PCDHGA6: variants seen among roughly 807,000 people sequenced by gnomAD.
The protein encoded by PCDHGA6 is protocadherin gamma-A6.
Under a neutral mutation model 60.6 loss-of-function variants are expected in PCDHGA6, and 41 were observed. The ratio of observed to expected loss-of-function variants is 0.68; its 90% CI spans 0.53 to 0.88. The LOEUF is 0.88. PCDHGA6 is among the 40% of genes least tolerant of loss of function. The probability of loss-of-function intolerance (pLI) is 0.00; values close to 1 mark genes in which losing one functional copy is unlikely to be tolerated. For synonymous variants in PCDHGA6, 594 were observed against 524.4 expected, an observed-to-expected ratio of 1.13 and a Z score of -1.81; for missense variants, 1,312 against 1,203.0, an observed-to-expected ratio of 1.09 and a Z score of -1.34.
rs202220616 is a variant in PCDHGA6, at chr5:141,389,200, A to G, written c.2424+12693A>G. On this transcript the variant is annotated intron_variant, in intron 1 of 3. Coordinates refer to ENST00000517434, the MANE Select transcript of PCDHGA6 (RefSeq NM_018919.3). ...TCCTCCAGTTCCAGCATCACCCTGC[A>G]CATTGGTGATGTAAATGACAACGCT... is the stretch of plus-strand genomic sequence containing the variant. 1,731 of 1,614,032 alleles carry G rather than the reference A, an allele frequency of 1.1e-3. 2 individuals carry two copies. Among genetic ancestry groups the G allele is most frequent in the Non-Finnish European group, 1.4e-3 (1,628 of 1,179,874 alleles).
chr5:141,400,221 C>G (rs377228541), intron 1 of PCDHGA6: 1 of 1,614,060 alleles, frequency 6.2e-7, no homozygotes, highest in Non-Finnish European at 8.5e-7. Flanking sequence ...TCTCAGTGCT[C>G]TTCCTCCTGG....
intron 1 of PCDHGA6, among the ~76,000 whole-genome samples, chr5:141,381,823 C>CTTTCTTTCT (rs1777506241): frequency 9.8e-6 from 1 of 101,610 alleles, no homozygotes; most frequent in African/African-American, 4.3e-5. Context: ...TTTCTTTCTT[C>CTTTCTTTCT]TTCTTTTTTT....
At chr5:141,447,370 C>A (rs2098536615) in intron 1 of PCDHGA6, among the ~76,000 whole-genome samples, 1 of 151,612 alleles carries the variant, frequency 6.6e-6, no homozygotes, top group African/African-American at 2.4e-5. Context: ...AACTCCTGAC[C>A]CTGGTGATCT....
intron 1 of PCDHGA6, chr5:141,421,633 G>C (rs1369645749): frequency 1.9e-6 from 3 of 1,613,716 alleles, no homozygotes; most frequent in Non-Finnish European, 2.5e-6. Context: ...CAGCTTCCAG[G>C]AGGACGAAGT....
At chr5:141,457,175 A>C (rs1447297536) in intron 1 of PCDHGA6, among the ~76,000 whole-genome samples, 2 of 152,192 alleles carry the variant, frequency 1.3e-5, no homozygotes, top group Non-Finnish European at 2.9e-5. Flanking sequence ...ACCCTATTGC[A>C]AATAGTAGAG....
rs372096658 is a variant in PCDHGA6, at chr5:141,405,073, C to T, written c.2424+28566C>T. On this transcript the variant is annotated intron_variant, in intron 1 of 3. Coordinates refer to ENST00000517434, the MANE Select transcript of PCDHGA6 (RefSeq NM_018919.3). The stretch of plus-strand genomic sequence containing the variant: ...TCGTCTCCTGTGTCTTCCTCACCTT[C>T]GTTATCACGCTGCTGGCCCTCAGGC... The T allele has an allele frequency of 1.1e-5, 17 of 1,613,880 alleles. No individual in the cohort carries two copies. In the East Asian group the frequency reaches 1.3e-4, roughly 13 times the overall value.
intron 1 of PCDHGA6, among the ~76,000 whole-genome samples, chr5:141,469,096 G>A (rs1191827174): frequency 6.6e-6 from 1 of 151,944 alleles, no homozygotes; most frequent in Non-Finnish European, 1.5e-5. Flanking sequence ...AGGCAACAAA[G>A]CAAGAACCTG....
Position 141,485,369 on chromosome 5 carries a change from G to T in PCDHGA6, c.2425-9438G>T. On this transcript the variant is annotated intron_variant, in intron 1 of 3. Transcript: ENST00000517434. This position sits in a 1 kb window ranked among gnomAD's most constrained non-coding sequence, Gnocchi z 5.7. ...CAGTCTGTCAGCTCGCAGGCTGCAG[G>T]TCGCTGGAGAGGTGAACCAAAGACA... 1 of 1,614,154 alleles carries T rather than the reference G, an allele frequency of 6.2e-7. No individual in the cohort carries two copies. The highest frequency in any genetic ancestry group is 1.1e-5 in the South Asian group (1 of 91,088).
In PCDHGA6 at chr5:141,374,128, G is replaced by T. The variant is rs376765941; in HGVS notation, c.45G>T (p.Leu15=). The part of the protein sequence containing the change: ...QRHPQRSEQV[L]LLTLLGTLWG... Reference sequence around the variant, plus strand: ...ATCCGCAGCGCAGCGAGCAGGTCCTGCTCCTCACGCTCCTGGGGACGCTGT... The same window carrying T: ...ATCCGCAGCGCAGCGAGCAGGTCCTTCTCCTCACGCTCCTGGGGACGCTGT... Residue 15 remains leucine (L), a synonymous_variant, in exon 1 of 4, where the codon CTG becomes CTT. Coordinates refer to ENST00000517434, the MANE Select transcript of PCDHGA6 (RefSeq NM_018919.3). The T allele has an allele frequency of 4.4e-6, 7 of 1,603,372 alleles. No homozygotes were observed. The African/African-American group carries it at 8.0e-5, about 18-fold the overall frequency.
At chr5:141,403,652 G>C in intron 1 of PCDHGA6, 1 of 1,613,908 alleles carries the variant, frequency 6.2e-7, no homozygotes, top group South Asian at 1.1e-5. Context: ...GACAGTGTTG[G>C]ATACAAATGA....
chr5:141,438,767 T>C (rs1478209487), intron 1 of PCDHGA6, among the ~76,000 whole-genome samples: 2 of 148,566 alleles, frequency 1.3e-5, no homozygotes, highest in Non-Finnish European at 3.0e-5. Flanking sequence ...GTTCAAGCGA[T>C]TCTCCTGCCT....
At chr5:141,389,391 G>C (rs544096177) in intron 1 of PCDHGA6, 9 of 1,613,686 alleles carry the variant, frequency 5.6e-6, no homozygotes, top group African/African-American at 1.3e-5. Context: ...GTCATCCTAC[G>C]TGTCCATAAG....
chr5:141,376,269 G>A lies in PCDHGA6; in HGVS notation c.2186G>A (p.Gly729Glu). 1.2e-6 allele frequency: 2 copies of A among 1,614,224 alleles called. No individual in the cohort carries two copies. Among genetic ancestry groups the A allele is most frequent in the South Asian group, 1.1e-5 (1 of 91,084 alleles). ...AAGTCACGCCTGCTGCAGGCTTCGG[G>A]AGGTGGCTTAGCGAGCATGCCCGGC... is the stretch of plus-strand genomic sequence containing the variant. Reference protein sequence around the residue: ...WHKSRLLQASGGGLASMPGSH... With the variant: ...WHKSRLLQASEGGLASMPGSH... The change falls in exon 1 of 4, where the codon GGA becomes GAA. Residue 729 changes from glycine to glutamate, a missense_variant. Gly to Glu is a moderately conservative substitution (Grantham distance 98, BLOSUM62 -2). Coordinates refer to ENST00000517434, the MANE Select transcript of PCDHGA6 (RefSeq NM_018919.3).
rs1307889557 is a variant in PCDHGA6, at chr5:141,486,267, C to G, written c.2425-8540C>G. On this transcript the variant is annotated intron_variant, in intron 1 of 3. Transcript: ENST00000517434. The surrounding 1 kb of genome is among the most constrained non-coding windows in gnomAD (Gnocchi z 5.0). ...GGAACCCTCCCCGAGAGTGCAGAAC[C>G]TGGCACTGTGGTGGCACTTATCAGT... 1 of 1,614,128 alleles carries G rather than the reference C, an allele frequency of 6.2e-7. No homozygotes were observed. Among genetic ancestry groups the G allele is most frequent in the South Asian group, 1.1e-5 (1 of 91,072 alleles).
intron 1 of PCDHGA6, chr5:141,419,798 A>G: frequency 6.2e-7 from 1 of 1,614,050 alleles, no homozygotes; most frequent in Admixed American, 1.7e-5. Flanking sequence ...AGTCGCTGTA[A>G]GAGATGGAGG....
At chr5:141,510,518 G>A (rs904482737) in intron 3 of PCDHGA6, among the ~76,000 whole-genome samples, 9 of 152,112 alleles carry the variant, frequency 5.9e-5, no homozygotes, top group Non-Finnish European at 1.0e-4. Flanking sequence ...CCGTGTCACA[G>A]CCCTGAGAGA....
chr5:141,454,798 T>A (rs866302149), intron 1 of PCDHGA6, among the ~76,000 whole-genome samples: 2 of 58,950 alleles, frequency 3.4e-5, no homozygotes, highest in Non-Finnish European at 6.4e-5. Context: ...TGGTTCTAAT[T>A]TTTTTTTTTT....
chr5:141,490,106 T>C lies in PCDHGA6; in HGVS notation c.2425-4701T>C, dbSNP rs1314489019. On this transcript the variant is annotated intron_variant, in intron 1 of 3. Coordinates refer to ENST00000517434, the MANE Select transcript of PCDHGA6 (RefSeq NM_018919.3). The surrounding 1 kb of genome is among the most constrained non-coding windows in gnomAD (Gnocchi z 5.4). ...TTTGGAGACCACACATCTGAGGCAG[T>C]GCGGAACCTCTTTGGCCTAGACCCT... 2.5e-6 allele frequency: 4 copies of C among 1,614,246 alleles called. No homozygotes were observed. Among genetic ancestry groups the C allele is most frequent in the South Asian group, 1.1e-5 (1 of 91,086 alleles).
chr5:141,403,442 G>C (rs565143998), intron 1 of PCDHGA6: 1 of 1,614,024 alleles, frequency 6.2e-7, no homozygotes, highest in East Asian at 2.2e-5. Flanking sequence ...GGATGTTGGC[G>C]TGAACTCCCT....
Sources: gnomAD v4.1 joint callset for allele counts (sites outside exome capture counted in the v4.1 genomes callset) on GRCh38, gnomAD v4.1.1 for gene constraint, Gnocchi (gnomAD v3.1) non-coding constraint, MANE v1.5 for transcripts, NCBI Gene and HGNC (gene_info 2026-07-23, HGNC 2026-07-21) for gene names.